Variants in RNF43 observed in about 807,000 individuals in gnomAD.
RNF43 encodes the protein ring finger protein 43.
In RNF43, 37 loss-of-function variants were observed where a neutral mutation model predicts 78.4. The observed-to-expected ratio is 0.47, with a 90% CI of 0.36 to 0.62. RNF43 has a LOEUF of 0.62. Among genes scored for constraint, RNF43 ranks in the 20% least tolerant of loss-of-function variants. RNF43 has a pLI of 0.00. For synonymous variants in RNF43, 347 were observed against 395.0 expected (o/e 0.88, Z 1.44); for missense variants, 774 against 1,007.9 (o/e 0.77, Z 3.14).
chr17:58,413,834 A>G (rs1231823319), intron 2 of RNF43, among the ~76,000 whole-genome samples: 1 of 152,240 alleles, frequency 6.6e-6, no homozygotes, highest in Admixed American at 6.5e-5. Context: ...ATGCTATCAC[A>G]GGTTATCAAT....
chr17:58,413,667 T>C (rs964491075), intron 2 of RNF43, among the ~76,000 whole-genome samples: 2 of 152,164 alleles, frequency 1.3e-5, no homozygotes, highest in Non-Finnish European at 2.9e-5. Flanking sequence ...ATGATAAAGA[T>C]TGATAAAATA....
intron 1 of RNF43, 138 bp from the exon 2 acceptor site, chr17:58,416,100 A>T: frequency 5.8e-6 from 1 of 171,626 alleles, no homozygotes. Context: ...ATGGTAAATG[A>T]CTAAATACCA....
intron 2 of RNF43, among the ~76,000 whole-genome samples, chr17:58,392,401 T>A (rs1302545010): frequency 6.6e-6 from 1 of 152,220 alleles, no homozygotes; most frequent in Non-Finnish European, 1.5e-5. Flanking sequence ...CAAATAATGC[T>A]GGAAAAGCTT....
At chr17:58,374,953 T>A (rs1973177002) in intron 2 of RNF43, among the ~76,000 whole-genome samples, 1 of 152,204 alleles carries the variant, frequency 6.6e-6, no homozygotes, top group Non-Finnish European at 1.5e-5. Context: ...ATCATCCATC[T>A]ATTACCCAAG....
intron 2 of RNF43, among the ~76,000 whole-genome samples, chr17:58,380,952 C>G (rs1973302685): frequency 6.6e-6 from 1 of 152,204 alleles, no homozygotes; most frequent in Admixed American, 6.5e-5. Context: ...AATGGGCTGG[C>G]TCAATGAAAT....
At chr17:58,367,745 G>A (rs1972987450) in intron 3 of RNF43, among the ~76,000 whole-genome samples, 1 of 152,208 alleles carries the variant, frequency 6.6e-6, no homozygotes, top group African/African-American at 2.4e-5. Context: ...AAGAATGGAA[G>A]CCTCCAGAAG....
chr17:58,392,670 T>TA (rs1973585189), intron 2 of RNF43, among the ~76,000 whole-genome samples: 1 of 152,240 alleles, frequency 6.6e-6, no homozygotes, highest in African/African-American at 2.4e-5. Flanking sequence ...GGACAGCATA[T>TA]AACTTAGCAC....
chr17:58,354,708 G>T lies in RNF43; in HGVS notation c.*235C>A, dbSNP rs1972646786. ...CAGGCAGCAGCTGGTTGCCTGGCTG[G>T]ACATGGATTTGCTGCACTGCAGATG... On this transcript the variant is annotated 3_prime_UTR_variant, in exon 10 of 10. Transcript: ENST00000407977. 1.8e-6 allele frequency: 1 copy of T among 558,042 alleles called. No homozygotes were observed. The highest frequency in any genetic ancestry group is 3.3e-6 in the Non-Finnish European group (1 of 307,078). The allele number at this position is 558,042 out of a possible 1,614,324, so 34.6% of individuals were successfully genotyped here.
chr17:58,390,561 T>C (rs776521408), intron 2 of RNF43, among the ~76,000 whole-genome samples: 1 of 152,184 alleles, frequency 6.6e-6, no homozygotes, highest in Non-Finnish European at 1.5e-5. Flanking sequence ...TCAGTAACAG[T>C]AGCCTTAAAA....
At chr17:58,416,623 T>C (rs1419904151) in intron 1 of RNF43, 1 of 152,180 alleles carries the variant, frequency 6.6e-6, no homozygotes, top group Non-Finnish European at 1.5e-5. Context: ...CAAAGGACTA[T>C]TCCTCACATG....
rs1973367348 is a variant in RNF43, at chr17:58,383,619, T to C, written c.253-12586A>G. ...CACCCAGCTGAAGCCCAAGTTTTTTTGTTTTTTGCATTTTGGTGTTTTTTT... is the reference window on the plus strand; with the variant it reads ...CACCCAGCTGAAGCCCAAGTTTTTTCGTTTTTTGCATTTTGGTGTTTTTTT... On this transcript the variant is annotated intron_variant, in intron 2 of 9. Coordinates refer to ENST00000407977, the MANE Select transcript of RNF43 (RefSeq NM_017763.6). Among the ~76,000 whole-genome samples, 3 of 151,872 alleles carry C rather than the reference T, an allele frequency of 2.0e-5. No homozygotes were observed. In the South Asian group the frequency reaches 6.2e-4, roughly 32 times the overall value.
rs752745971 is a variant in RNF43 at position 58,363,418 on chromosome 17, A to G, written c.451-12T>C. ...AGCGGCTGCTGCAGCTACAGGGGGA[A>G]AGTGCCCACAGGGCTGCTGTGACTT... On this transcript the variant is annotated splice_polypyrimidine_tract_variant and intron_variant, in intron 4 of 9. Transcript: ENST00000407977. 6.2e-7 allele frequency: 1 copy of G among 1,614,116 alleles called. No individual in the cohort carries two copies. Among genetic ancestry groups the G allele is most frequent in the South Asian group, 1.1e-5 (1 of 91,086 alleles).
intron 5 of RNF43, 138 bp from the exon 6 acceptor site, chr17:58,362,786 A>G (rs1972865898): frequency 1.7e-6 from 1 of 603,110 alleles, no homozygotes; most frequent in Non-Finnish European, 2.9e-6. Flanking sequence ...ATGGAGAGGA[A>G]CCTGCAAGTG....
chr17:58,370,100 G>A (rs866447485), intron 3 of RNF43, among the ~76,000 whole-genome samples: 16 of 104,272 alleles, frequency 1.5e-4, no homozygotes, highest in Middle Eastern at 9.8e-3. Flanking sequence ...ACAAAGTCCC[G>A]CTCTGTCACC....
Position 58,360,639 on chromosome 17 carries a change from G to T in RNF43, c.849+144C>A. The T allele has an allele frequency of 1.2e-6, 1 of 864,954 alleles. No individual in the cohort carries two copies. 53.6% of individuals were successfully genotyped at this position (864,954 alleles called of 1,614,324 possible). Reference sequence around the variant, plus strand: ...CAGAAAAGTGACCAAACTTCAGGCTGGTCCCTGATCTCTGCCTCATGCAGG... The same window carrying T: ...CAGAAAAGTGACCAAACTTCAGGCTTGTCCCTGATCTCTGCCTCATGCAGG... On this transcript the variant is annotated intron_variant, in intron 7 of 9. Transcript: ENST00000407977. This position sits in a 1 kb window ranked among gnomAD's most constrained non-coding sequence, Gnocchi z 4.3.
Position 58,354,555 on chromosome 17 carries a change from A to G in RNF43, c.*388T>C, listed in dbSNP as rs1972644175. On this transcript the variant is annotated 3_prime_UTR_variant, in exon 10 of 10. Transcript: ENST00000407977. ...GAACCCACTGGCTGGTATGAACATG[A>G]GGCTTGGGGTGAGGGAAACCAAGTA... The G allele has an allele frequency of 2.9e-6, 1 of 350,286 alleles. No homozygotes were observed. Among genetic ancestry groups the G allele is most frequent in the African/African-American group, 2.0e-5 (1 of 49,858 alleles). 21.7% of individuals were successfully genotyped at this position (350,286 alleles called of 1,614,324 possible).
At chr17:58,376,709 G>C (rs746405214) in intron 2 of RNF43, among the ~76,000 whole-genome samples, 1 of 152,272 alleles carries the variant, frequency 6.6e-6, no homozygotes, top group East Asian at 1.9e-4. Context: ...ATGCAAACAC[G>C]ATTTCTACAG....
At position 58,380,404 on chromosome 17, in the gene RNF43, G is replaced by C. The variant is rs1973289031; in HGVS notation, c.253-9371C>G. On this transcript the variant is annotated intron_variant, in intron 2 of 9. Coordinates refer to ENST00000407977, the MANE Select transcript of RNF43 (RefSeq NM_017763.6). The stretch of plus-strand genomic sequence containing the variant: ...CTTCTGAGGCATGGTCTTAACTCTT[G>C]CCACAACAAAGTAGTTAACTGAACT... 1.3e-5 allele frequency among the ~76,000 whole-genome samples: 2 copies of C among 152,142 alleles called. 1 individual carries two copies. Among genetic ancestry groups the C allele is most frequent in the South Asian group, 4.1e-4 (2 of 4,830 alleles).
chr17:58,357,534 T>C lies in RNF43; in HGVS notation c.2242A>G (p.Ser748Gly), dbSNP rs143655541. ...HPPGEGPSEWSSDTAEGRPCP... is the reference protein window; with the variant it reads ...HPPGEGPSEWGSDTAEGRPCP... ...GGCCTGCCCTCTGCGGTGTCAGAAC[T>C]CCATTCAGAAGGCCCCTCCCCAGGT... The change falls in exon 9 of 10, where the codon AGT becomes GGT. Residue 748 changes from serine to glycine, a missense_variant. Physicochemically the swap from Ser to Gly is moderately conservative, Grantham distance 56. Transcript: ENST00000407977. The surrounding 1 kb of genome is among the most constrained non-coding windows in gnomAD (Gnocchi z 4.5). The C allele has an allele frequency of 6.2e-7, 1 of 1,614,192 alleles. No individual in the cohort carries two copies. The highest frequency in any genetic ancestry group is 8.5e-7 in the Non-Finnish European group (1 of 1,180,020).
Sources: gnomAD v4.1 joint callset for allele counts (sites outside exome capture counted in the v4.1 genomes callset) on GRCh38, gnomAD v4.1.1 for gene constraint, Gnocchi (gnomAD v3.1) non-coding constraint, MANE v1.5 for transcripts, NCBI Gene and HGNC (gene_info 2026-07-23, HGNC 2026-07-21) for gene names.